The following PAM variants were observed in gnomAD, a reference collection of about 807,000 sequenced individuals.
PAM encodes the protein peptidylglycine alpha-amidating monooxygenase.
Under a neutral mutation model 122.1 loss-of-function variants are expected in PAM, and 72 were observed. The ratio of observed to expected loss-of-function variants is 0.59; its 90% CI spans 0.49 to 0.72. The LOEUF (loss-of-function observed/expected upper bound fraction) is 0.72, where lower values mean the gene tolerates loss of function less well. PAM is among the 30% of genes least tolerant of loss of function. The pLI is 0.00. For missense variants in PAM, 1,106 were observed against 1,183.7 expected (o/e 0.93, Z 0.96); for synonymous variants, 389 against 404.4 (o/e 0.96, Z 0.46).
chr5:102,973,876 A>G (rs935400241), intron 14 of PAM, among the ~76,000 whole-genome samples: 1 of 152,144 alleles, frequency 6.6e-6, no homozygotes, highest in Admixed American at 6.6e-5. Context: ...CATAAGCATT[A>G]TTTTTTCTAC....
rs750450868 is a variant in PAM at position 102,844,343 on chromosome 5, G to A, written c.-373-21480G>A. ...ATAGGGGAAAATGAATGAAGGGCAT[G>A]TGGGATCTCTCTGTACTATTTCTTC... On this transcript the variant is annotated intron_variant, in intron 1 of 25. Transcript: ENST00000438793. 5.6e-4 allele frequency among the ~76,000 whole-genome samples: 85 copies of A among 152,308 alleles called. 1 individual carries two copies. Among genetic ancestry groups the A allele is most frequent in the South Asian group, 2.1e-4 (1 of 4,830 alleles).
chr5:102,974,553 C>A, intron 15 of PAM, 117 bp downstream of exon 15: 1 of 653,130 alleles, frequency 1.5e-6, no homozygotes, highest in Non-Finnish European at 2.6e-6. Flanking sequence ...AAGGACTTAT[C>A]ATTAGAAAAA....
intron 1 of PAM, among the ~76,000 whole-genome samples, chr5:102,782,505 A>G (rs1759256683): frequency 6.6e-6 from 1 of 152,230 alleles, no homozygotes; most frequent in Admixed American, 6.5e-5. Flanking sequence ...TTAGAAAGAT[A>G]CTTGAAAGGA....
intron 3 of PAM, among the ~76,000 whole-genome samples, chr5:102,895,107 A>G (rs1033147378): frequency 8.6e-5 from 13 of 151,758 alleles, no homozygotes; most frequent in African/African-American, 2.4e-4. Context: ...GCCCAGTCCA[A>G]TTTAAAACAT....
intron 3 of PAM, among the ~76,000 whole-genome samples, chr5:102,881,684 CCTAT>C (rs1368453241): frequency 1.4e-5 from 2 of 147,408 alleles, no homozygotes; most frequent in African/African-American, 2.6e-5. Context: ...AAAGTGTGAT[CCTAT>C]CTTTTTTTTT....
At chr5:102,773,638 A>G (rs1756375691) in intron 1 of PAM, among the ~76,000 whole-genome samples, 3 of 152,110 alleles carry the variant, frequency 2.0e-5, no homozygotes, top group Non-Finnish European at 4.4e-5. Context: ...GGGCCTAGTT[A>G]TGGAGGCCAG....
chr5:102,801,810 G>A (rs990606954), intron 1 of PAM, among the ~76,000 whole-genome samples: 1 of 120,132 alleles, frequency 8.3e-6, no homozygotes, highest in Non-Finnish European at 1.6e-5. Flanking sequence ...ACGGAGTCTC[G>A]CTCTGTCGCC....
intron 3 of PAM, among the ~76,000 whole-genome samples, chr5:102,887,226 A>G (rs955071364): frequency 3.3e-5 from 5 of 151,940 alleles, no homozygotes; most frequent in African/African-American, 1.2e-4. Context: ...ATGCCCTCAC[A>G]TGGGGGTGAG....
intron 1 of PAM, among the ~76,000 whole-genome samples, chr5:102,802,851 A>G (rs186282589): frequency 1.3e-5 from 2 of 152,184 alleles, no homozygotes; most frequent in Admixed American, 1.3e-4. Context: ...TCATAACTAC[A>G]TATGAGGTAG....
intron 1 of PAM, among the ~76,000 whole-genome samples, chr5:102,762,616 T>TAA (rs1752668372): frequency 6.6e-6 from 1 of 152,146 alleles, no homozygotes; most frequent in East Asian, 1.9e-4. Context: ...CTTCTTTCCC[T>TAA]GGGGAGAATT....
chr5:103,009,946 G>T, intron 21 of PAM, 80 bp downstream of exon 21: 2 of 606,532 alleles, frequency 3.3e-6, no homozygotes. Flanking sequence ...ATCTGTACTT[G>T]AATAGCTTTA....
At chr5:102,960,889 A>AT (rs3835065) in intron 13 of PAM, among the ~76,000 whole-genome samples, 40,649 of 147,952 alleles carry the variant, frequency 0.27, 5,826 homozygotes, top group East Asian at 0.43. Flanking sequence ...TTGTCAATGC[A>AT]TTTTGAAAAT....
chr5:102,898,603 T>A (rs1206492866), intron 3 of PAM, among the ~76,000 whole-genome samples: 1 of 151,668 alleles, frequency 6.6e-6, no homozygotes, highest in Non-Finnish European at 1.5e-5. Context: ...GTGGCTCTAA[T>A]CTAGTTCATT....
At chr5:102,939,846 T>C (rs1482611840) in intron 7 of PAM, among the ~76,000 whole-genome samples, 2 of 151,988 alleles carry the variant, frequency 1.3e-5, no homozygotes, top group African/African-American at 4.8e-5. Flanking sequence ...GTATTGTAAA[T>C]AGATTAAGAT....
intron 1 of PAM, among the ~76,000 whole-genome samples, chr5:102,828,557 AC>A (rs1242929080): frequency 6.6e-6 from 1 of 151,910 alleles, no homozygotes; most frequent in East Asian, 1.9e-4. Context: ...TAGGTTACTT[AC>A]CCTCTCTTGC....
At chr5:102,930,511 G>A (rs1751119630) in intron 7 of PAM, among the ~76,000 whole-genome samples, 1 of 152,160 alleles carries the variant, frequency 6.6e-6, no homozygotes, top group Non-Finnish European at 1.5e-5. Flanking sequence ...CAGCATCTTA[G>A]ACACAAAGAA....
At chr5:102,817,354 T>G (rs1770239828) in intron 1 of PAM, among the ~76,000 whole-genome samples, 1 of 152,138 alleles carries the variant, frequency 6.6e-6, no homozygotes, top group Admixed American at 6.6e-5. Flanking sequence ...GTTAAGTAAT[T>G]AAATATGGCT....
intron 23 of PAM, among the ~76,000 whole-genome samples, chr5:103,022,155 T>C (rs937849216): frequency 3.3e-5 from 5 of 149,932 alleles, no homozygotes; most frequent in African/African-American, 1.2e-4. Flanking sequence ...AATAAAACTT[T>C]TAAAAAATAA....
intron 1 of PAM, among the ~76,000 whole-genome samples, chr5:102,795,214 A>AAAAAAAAAAAAAAAAAG (rs1241209233): frequency 7.2e-6 from 1 of 139,340 alleles, no homozygotes. Context: ...AAAAAAAAAG[A>AAAAAAAAAAAAAAAAAG]AGAGAAGAAA....
Sources: allele counts gnomAD v4.1 joint callset (sites outside exome capture counted in the v4.1 genomes callset), GRCh38; gene constraint gnomAD v4.1.1; transcripts MANE v1.5; gene names NCBI Gene and HGNC (gene_info 2026-07-23, HGNC 2026-07-21).